The following DPP6 variants were observed in gnomAD, a reference collection of about 807,000 sequenced individuals.
DPP6 encodes dipeptidyl peptidase like 6, also known as A-type potassium channel modulatory protein DPP6.
DPP6 carries 69 observed loss-of-function variants against 122.6 expected under a neutral mutation model. That is an observed-to-expected ratio of 0.56 (90% CI 0.46 to 0.69). DPP6 has a LOEUF of 0.69. Ranked by LOEUF, DPP6 falls within the 30% of genes least tolerant of loss-of-function variation. DPP6 has a pLI of 0.00. For synonymous variants in DPP6, 418 were observed against 433.1 expected (o/e 0.97, Z 0.43); for missense variants, 928 against 1,116.9 (o/e 0.83, Z 2.41).
At chr7:154,115,545 C>T (rs544769419) in intron 1 of DPP6, among the ~76,000 whole-genome samples, 3 of 152,276 alleles carry the variant, frequency 2.0e-5, no homozygotes, top group East Asian at 1.9e-4. Context: ...CCTGCTGCTG[C>T]ATCTTGATTG....
At chr7:154,567,030 T>C in intron 5 of DPP6, 114 bp downstream of exon 5, 1 of 770,054 alleles carries the variant, frequency 1.3e-6, no homozygotes, top group South Asian at 1.9e-5. Context: ...AGAAATACTT[T>C]GTACATCCTG....
At chr7:153,870,261 C>T in the DPP6 span, among the ~76,000 whole-genome samples, 1 of 152,200 alleles carries the variant, frequency 6.6e-6, no homozygotes, top group Non-Finnish European at 1.5e-5. Flanking sequence ...AACTTGATTC[C>T]ATTCTCCCTG....
Position 154,853,844 on chromosome 7 carries a change from T to C in DPP6, c.1714+17T>C. 1 of 1,613,454 alleles carries C rather than the reference T, an allele frequency of 6.2e-7. No individual in the cohort carries two copies. Among genetic ancestry groups the C allele is most frequent in the Non-Finnish European group, 8.5e-7 (1 of 1,179,770 alleles). On this transcript the variant is annotated intron_variant, in intron 17 of 25. Transcript: ENST00000377770. Reference sequence around the variant, plus strand: ...ATAAGAAAAGTAAGTGCTCTTTTTTTTCCTTAAATCTTCCTGAGACTCAGG... The same window carrying C: ...ATAAGAAAAGTAAGTGCTCTTTTTTCTCCTTAAATCTTCCTGAGACTCAGG...
chr7:154,664,477 C>T lies in DPP6; in HGVS notation c.681-4883C>T, dbSNP rs898338826. 2.6e-5 allele frequency among the ~76,000 whole-genome samples: 4 copies of T among 152,172 alleles called. No individual in the cohort carries two copies. The South Asian group carries it at 8.3e-4, about 31-fold the overall frequency. On this transcript the variant is annotated intron_variant, in intron 6 of 25. Transcript: ENST00000377770. ...TAAGTCTTTCTGATGTCCCACTCTGCCCTCTGTGCTTAGAAAATTCCAAAT... is the reference window on the plus strand; with the variant it reads ...TAAGTCTTTCTGATGTCCCACTCTGTCCTCTGTGCTTAGAAAATTCCAAAT...
chr7:154,033,897 G>T (rs1799385113), intron 1 of DPP6, among the ~76,000 whole-genome samples: 1 of 152,050 alleles, frequency 6.6e-6, no homozygotes, highest in Non-Finnish European at 1.5e-5. Context: ...GTATCACATG[G>T]TTTCTAGACT....
the DPP6 span, among the ~76,000 whole-genome samples, chr7:153,799,254 G>A: frequency 6.6e-6 from 1 of 152,076 alleles, no homozygotes; most frequent in South Asian, 2.1e-4. Context: ...ACTCTTCCAT[G>A]GTATCTTTCA....
At chr7:154,066,296 G>A (rs975515217) in intron 1 of DPP6, among the ~76,000 whole-genome samples, 2 of 152,126 alleles carry the variant, frequency 1.3e-5, no homozygotes, top group African/African-American at 2.4e-5. Flanking sequence ...CTGGCCTCAG[G>A]TGATCTGCCT....
the DPP6 span, among the ~76,000 whole-genome samples, chr7:153,862,762 C>A: frequency 6.6e-6 from 1 of 151,856 alleles, no homozygotes; most frequent in African/African-American, 2.4e-5. Context: ...CAATAAAAGT[C>A]CATTTTAATA....
chr7:154,167,886 G>C, intron 1 of DPP6, among the ~76,000 whole-genome samples: 1 of 152,210 alleles, frequency 6.6e-6, no homozygotes, highest in East Asian at 1.9e-4. Context: ...GGCTCAGAGT[G>C]TATGCAGGGC....
chr7:154,373,810 G>A (rs983412921), intron 1 of DPP6, among the ~76,000 whole-genome samples: 9 of 152,040 alleles, frequency 5.9e-5, no homozygotes, highest in Non-Finnish European at 1.2e-4. Flanking sequence ...GCAGCCCCTG[G>A]CACCCACCAT....
intron 1 of DPP6, among the ~76,000 whole-genome samples, chr7:154,230,753 T>C (rs532382830): frequency 6.6e-6 from 1 of 152,234 alleles, no homozygotes; most frequent in Non-Finnish European, 1.5e-5. Context: ...TTGCAGATTT[T>C]CTGATTCATG....
chr7:153,897,880 T>G (rs1420727628), intron 1 of DPP6, among the ~76,000 whole-genome samples: 1 of 152,202 alleles, frequency 6.6e-6, no homozygotes, highest in Non-Finnish European at 1.5e-5. Context: ...CACCAATAAA[T>G]GCTACTTGTT....
chr7:153,798,051 C>A, the DPP6 span, among the ~76,000 whole-genome samples: 8 of 152,064 alleles, frequency 5.3e-5, no homozygotes, highest in Non-Finnish European at 1.2e-4. Context: ...ACCATGTTAG[C>A]CAGGATGGTC....
chr7:153,990,013 C>T (rs1327978136), intron 1 of DPP6, among the ~76,000 whole-genome samples: 2 of 133,084 alleles, frequency 1.5e-5, no homozygotes, highest in Admixed American at 7.6e-5. Flanking sequence ...CTCAGTCCTG[C>T]CCCCTGCCGG....
chr7:154,183,521 CG>C (rs1798199637), intron 1 of DPP6, among the ~76,000 whole-genome samples: 1 of 152,128 alleles, frequency 6.6e-6, no homozygotes, highest in Admixed American at 6.6e-5. Flanking sequence ...GTGGTTCTTC[CG>C]GAGTGGTGAT....
intron 3 of DPP6, among the ~76,000 whole-genome samples, chr7:154,540,087 A>G (rs1468842779): frequency 1.3e-5 from 2 of 152,240 alleles, no homozygotes; most frequent in African/African-American, 2.4e-5. Flanking sequence ...CCTCCAAGCA[A>G]GAGCACCTAG....
intron 1 of DPP6, among the ~76,000 whole-genome samples, chr7:153,975,224 A>G (rs1283506334): frequency 7.8e-6 from 1 of 128,440 alleles, no homozygotes; most frequent in Non-Finnish European, 1.6e-5. Flanking sequence ...ATGCAAAAAA[A>G]GCAAGAATTC....
chr7:153,945,354 A>G (rs1268373888), intron 1 of DPP6, among the ~76,000 whole-genome samples: 1 of 152,116 alleles, frequency 6.6e-6, no homozygotes, highest in Non-Finnish European at 1.5e-5. Context: ...TATATTTCTA[A>G]TGGAAGCCAG....
chr7:154,723,970 C>A (rs1297778774), intron 7 of DPP6, among the ~76,000 whole-genome samples: 1 of 152,170 alleles, frequency 6.6e-6, no homozygotes, highest in Admixed American at 6.5e-5. Context: ...ATCCATGCAC[C>A]AGAAAATGCA....
Sources: allele counts gnomAD v4.1 joint callset (sites outside exome capture counted in the v4.1 genomes callset), GRCh38; gene constraint gnomAD v4.1.1; transcripts MANE v1.5; gene names NCBI Gene and HGNC (gene_info 2026-07-23, HGNC 2026-07-21).